The following SLC14A2 variants were observed in gnomAD, a reference collection of about 807,000 sequenced individuals.
The protein encoded by SLC14A2 is solute carrier family 14 member 2.
SLC14A2 carries 91 observed loss-of-function variants against 104.6 expected under a neutral mutation model. The observed-to-expected ratio is 0.87, with a 90% CI of 0.73 to 1.04. The LOEUF (loss-of-function observed/expected upper bound fraction) is 1.04, where lower values mean the gene tolerates loss of function less well. Among genes scored for constraint, SLC14A2 ranks in the 50% least tolerant of loss-of-function variants. The probability of loss-of-function intolerance (pLI) is 0.00; values close to 1 mark genes in which losing one functional copy is unlikely to be tolerated. For missense variants in SLC14A2, 1,189 were observed against 1,156.0 expected (o/e 1.03, Z -0.41); for synonymous variants, 476 against 466.4 (o/e 1.02, Z -0.27).
At chr18:45,399,239 G>A (rs1225320047) in intron 1 of SLC14A2, among the ~76,000 whole-genome samples, 3 of 152,170 alleles carry the variant, frequency 2.0e-5, no homozygotes, top group Non-Finnish European at 2.9e-5. Flanking sequence ...ACACCTGGTA[G>A]AGCAAACTAC....
In SLC14A2 at chr18:45,665,517, G is replaced by A. The variant is rs565085531; in HGVS notation, c.1475-620G>A. ...TCTTGTCCTAATCCCACCAGCCATT[G>A]CTACTACAATACCTTAAAAAAACAA... On this transcript the variant is annotated intron_variant, in intron 11 of 19. Coordinates refer to ENST00000255226, the MANE Select transcript of SLC14A2 (RefSeq NM_007163.4). Among the ~76,000 whole-genome samples the A allele has an allele frequency of 2.6e-5, 4 of 152,084 alleles. No homozygotes were observed. The South Asian group carries it at 8.3e-4, about 32-fold the overall frequency.
intron 1 of SLC14A2, among the ~76,000 whole-genome samples, chr18:45,351,351 G>A (rs564766351): frequency 7.9e-5 from 12 of 151,972 alleles, no homozygotes; most frequent in South Asian, 6.3e-4. Context: ...CTTATGCACC[G>A]TTTTTTGTTT....
At chr18:45,423,085 C>T (rs779090545) in intron 1 of SLC14A2, among the ~76,000 whole-genome samples, 1 of 152,170 alleles carries the variant, frequency 6.6e-6, no homozygotes, top group African/African-American at 2.4e-5. Flanking sequence ...TTGGGAAAAA[C>T]AGTAATTGAT....
intron 2 of SLC14A2, among the ~76,000 whole-genome samples, chr18:45,592,557 G>GCCA (rs1424843901): frequency 6.6e-6 from 1 of 152,208 alleles, no homozygotes; most frequent in Non-Finnish European, 1.5e-5. Flanking sequence ...AGACTAGAAG[G>GCCA]CAGTGGTCTA....
intron 1 of SLC14A2, among the ~76,000 whole-genome samples, chr18:45,458,047 G>T (rs1282599368): frequency 6.6e-6 from 1 of 152,202 alleles, no homozygotes; most frequent in Non-Finnish European, 1.5e-5. Flanking sequence ...GTGACATTGG[G>T]ATTTTGTTCT....
Position 45,297,844 on chromosome 18 carries a change from C to A in SLC14A2, c.-125+84653C>A, listed in dbSNP as rs138055901. Among the ~76,000 whole-genome samples, 534 of 152,230 alleles carry A rather than the reference C, an allele frequency of 3.5e-3. 3 individuals are homozygous for A. The highest frequency in any genetic ancestry group is 0.012 in the African/African-American group (483 of 41,554). On this transcript the variant is annotated intron_variant, in intron 1 of 20. Transcript: ENST00000586448. ...AAATAGCAGGCACCCAACCAACCCA[C>A]GGAACTGACCACATGGTTTGGCTGC...
At chr18:45,476,826 T>C (rs1271940633) in intron 1 of SLC14A2, among the ~76,000 whole-genome samples, 2 of 152,236 alleles carry the variant, frequency 1.3e-5, no homozygotes, top group Non-Finnish European at 2.9e-5. Flanking sequence ...GTTTTTCAGC[T>C]CCGTCAGGTC....
intron 10 of SLC14A2, among the ~76,000 whole-genome samples, chr18:45,650,211 CTTTCT>C (rs2045707886): frequency 6.6e-6 from 1 of 152,090 alleles, no homozygotes; most frequent in African/African-American, 2.4e-5. Context: ...CAACAATAAC[CTTTCT>C]TTTCTTCAAT....
intron 1 of SLC14A2, among the ~76,000 whole-genome samples, chr18:45,434,952 G>T (rs2086573375): frequency 6.6e-6 from 1 of 152,252 alleles, no homozygotes; most frequent in African/African-American, 2.4e-5. Flanking sequence ...TCCAATGGAA[G>T]GTTGCCTGTT....
intron 1 of SLC14A2, among the ~76,000 whole-genome samples, chr18:45,391,078 C>A (rs972527423): frequency 1.3e-5 from 2 of 152,096 alleles, no homozygotes; most frequent in African/African-American, 2.4e-5. Context: ...CTCCCTCCCC[C>A]CTCCACCCAC....
intron 1 of SLC14A2, among the ~76,000 whole-genome samples, chr18:45,344,319 A>G (rs2144290864): frequency 6.6e-6 from 1 of 152,274 alleles, no homozygotes; most frequent in Non-Finnish European, 1.5e-5. Context: ...ACATAAACAA[A>G]GGGTTCCATC....
At chr18:45,407,960 G>T (rs1245392895) in intron 1 of SLC14A2, among the ~76,000 whole-genome samples, 1 of 152,188 alleles carries the variant, frequency 6.6e-6, no homozygotes, top group Non-Finnish European at 1.5e-5. Flanking sequence ...TTACCAAACT[G>T]TAACACAGAG....
chr18:45,326,172 T>A (rs2085232295), intron 1 of SLC14A2, among the ~76,000 whole-genome samples: 1 of 152,212 alleles, frequency 6.6e-6, no homozygotes. Context: ...TTTTAAACTG[T>A]CTTTTTTCTA....
chr18:45,211,823 A>T (rs559520084), upstream of SLC14A2, among the ~76,000 whole-genome samples: 1 of 152,200 alleles, frequency 6.6e-6, no homozygotes, highest in Non-Finnish European at 1.5e-5. Context: ...AAAATCTCCA[A>T]TGACAAAAAC....
At chr18:45,302,070 A>G (rs2084973795) in intron 1 of SLC14A2, among the ~76,000 whole-genome samples, 1 of 152,228 alleles carries the variant, frequency 6.6e-6, no homozygotes, top group South Asian at 2.1e-4. Flanking sequence ...TTTCTGCACC[A>G]TAACAATCAT....
chr18:45,306,995 G>C (rs936290827), intron 1 of SLC14A2, among the ~76,000 whole-genome samples: 1 of 152,096 alleles, frequency 6.6e-6, no homozygotes, highest in Admixed American at 6.5e-5. Flanking sequence ...CATGGCTCAC[G>C]ATCTGCAGTG....
At chr18:45,585,104 A>C (rs1045484901) in intron 2 of SLC14A2, among the ~76,000 whole-genome samples, 1 of 151,732 alleles carries the variant, frequency 6.6e-6, no homozygotes, top group African/African-American at 2.4e-5. Flanking sequence ...CTCCCTCAGC[A>C]TCAGATTCCC....
the SLC14A2 span, chr18:45,179,754 C>T: frequency 2.0e-5 from 3 of 149,596 alleles, no homozygotes; most frequent in Non-Finnish European, 4.4e-5. Flanking sequence ...GAAAATATAC[C>T]ATAAAAGTAC....
intron 1 of SLC14A2, among the ~76,000 whole-genome samples, chr18:45,336,875 CAATT>C (rs1249405189): frequency 1.3e-5 from 2 of 152,100 alleles, no homozygotes; most frequent in African/African-American, 4.8e-5. Flanking sequence ...GTTCTTAAGT[CAATT>C]GATTGACCAG....
Sources: allele counts gnomAD v4.1 joint callset (sites outside exome capture counted in the v4.1 genomes callset), GRCh38; gene constraint gnomAD v4.1.1; transcripts MANE v1.5; gene names NCBI Gene and HGNC (gene_info 2026-07-23, HGNC 2026-07-21).